Variants in IKZF3 observed in about 807,000 individuals in gnomAD.
The protein encoded by IKZF3 is IKAROS family zinc finger 3.
Under a neutral mutation model 49.0 loss-of-function variants are expected in IKZF3, and 10 were observed. That is an observed-to-expected ratio of 0.20 (90% CI 0.13 to 0.35). IKZF3 has a LOEUF of 0.35. Ranked by LOEUF, IKZF3 falls within the 10% of genes least tolerant of loss-of-function variation. The pLI is 1.00. For missense variants in IKZF3, 498 were observed against 664.8 expected (o/e 0.75, Z 2.76); for synonymous variants, 209 against 228.2 (o/e 0.92, Z 0.76).
intron 1 of IKZF3, chr17:39,836,201 T>C: frequency 1.5e-6 from 1 of 654,600 alleles, no homozygotes; most frequent in Middle Eastern, 4.4e-4. Flanking sequence ...TTGACCATGA[T>C]GGCTGTGATG....
intron 1 of IKZF3, among the ~76,000 whole-genome samples, chr17:39,857,792 G>C (rs1392079470): frequency 6.6e-6 from 1 of 151,960 alleles, no homozygotes; most frequent in Non-Finnish European, 1.5e-5. Flanking sequence ...CCTACTATGT[G>C]CTGGGGACTG....
intron 1 of IKZF3, among the ~76,000 whole-genome samples, chr17:39,834,467 A>G (rs1484500787): frequency 1.3e-5 from 2 of 152,268 alleles, no homozygotes; most frequent in East Asian, 3.9e-4. Context: ...TTCAGTTCTA[A>G]TTTCCCTCGA....
intron 6 of IKZF3, among the ~76,000 whole-genome samples, chr17:39,779,546 C>A (rs2060676306): frequency 6.6e-6 from 1 of 152,062 alleles, no homozygotes; most frequent in Non-Finnish European, 1.5e-5. Context: ...ACACATGATG[C>A]TAGCCTGAAC....
chr17:39,824,756 C>T (rs532889407), intron 3 of IKZF3, among the ~76,000 whole-genome samples: 11 of 150,850 alleles, frequency 7.3e-5, no homozygotes, highest in Admixed American at 4.0e-4. Context: ...AGTGCAGTGG[C>T]GTGATCTTGG....
intron 6 of IKZF3, among the ~76,000 whole-genome samples, chr17:39,782,161 G>A (rs1489640181): frequency 6.6e-6 from 1 of 152,186 alleles, no homozygotes; most frequent in Non-Finnish European, 1.5e-5. Context: ...TTCAATTGAA[G>A]ATGGCACTCA....
At chr17:39,795,175 G>A (rs189583267) in intron 3 of IKZF3, among the ~76,000 whole-genome samples, 12 of 152,078 alleles carry the variant, frequency 7.9e-5, no homozygotes, top group Admixed American at 5.2e-4. Context: ...AATTCAATAC[G>A]ACACCATCCT....
intron 7 of IKZF3, among the ~76,000 whole-genome samples, chr17:39,769,730 T>C (rs1038949068): frequency 6.6e-6 from 1 of 152,164 alleles, no homozygotes; most frequent in Non-Finnish European, 1.5e-5. Context: ...TGAGAAACTT[T>C]TTCTCTTTTC....
At chr17:39,814,100 C>G (rs1401006967) in intron 3 of IKZF3, among the ~76,000 whole-genome samples, 1 of 152,090 alleles carries the variant, frequency 6.6e-6, no homozygotes, top group Non-Finnish European at 1.5e-5. Context: ...AGTTGTACAC[C>G]TCAAAAGGGA....
intron 6 of IKZF3, among the ~76,000 whole-genome samples, chr17:39,787,572 C>T (rs1194837076): frequency 6.6e-6 from 1 of 152,198 alleles, no homozygotes; most frequent in Non-Finnish European, 1.5e-5. Flanking sequence ...GTTAGGAAAT[C>T]TTGTTGACTC....
chr17:39,851,034 CGT>C (rs1435448061), intron 1 of IKZF3, among the ~76,000 whole-genome samples: 15 of 143,700 alleles, frequency 1.0e-4, no homozygotes, highest in African/African-American at 3.9e-4. Context: ...GTTATATACA[CGT>C]ATATATTATA....
intron 7 of IKZF3, among the ~76,000 whole-genome samples, chr17:39,773,175 A>T (rs9652840): frequency 0.077 from 11,775 of 152,198 alleles, 850 homozygotes; most frequent in African/African-American, 0.19. Context: ...CATGACATGC[A>T]CTGCTCTTGG....
Position 39,864,146 on chromosome 17 carries a change from G to A in IKZF3, c.-20C>T, listed in dbSNP as rs757097877. 1 of 1,611,696 alleles carries A rather than the reference G, an allele frequency of 6.2e-7. No homozygotes were observed. Among genetic ancestry groups the A allele is most frequent in the South Asian group, 1.1e-5 (1 of 91,022 alleles). On this transcript the variant is annotated 5_prime_UTR_variant, in exon 1 of 8. Coordinates refer to ENST00000346872, the MANE Select transcript of IKZF3 (RefSeq NM_012481.5). ...TTCCATGTCGCTGCCGGGCCGGGCT[G>A]GAGCTGCCGCTGTGGCTACTCGGCC...
At chr17:39,802,517 G>T (rs1429417327) in intron 3 of IKZF3, among the ~76,000 whole-genome samples, 1 of 150,794 alleles carries the variant, frequency 6.6e-6, no homozygotes, top group African/African-American at 2.4e-5. Context: ...TAAGGCAGGA[G>T]ATTCCCTTGA....
intron 3 of IKZF3, among the ~76,000 whole-genome samples, chr17:39,793,603 A>C (rs2061085364): frequency 6.6e-6 from 1 of 152,232 alleles, no homozygotes; most frequent in Non-Finnish European, 1.5e-5. Context: ...ATATAACCTA[A>C]GGAGTCACTT....
intron 3 of IKZF3, among the ~76,000 whole-genome samples, chr17:39,803,645 C>T (rs966032231): frequency 6.6e-6 from 1 of 151,892 alleles, no homozygotes; most frequent in Non-Finnish European, 1.5e-5. Flanking sequence ...TCCGGAGTAG[C>T]TGGGATTACA....
intron 7 of IKZF3, among the ~76,000 whole-genome samples, chr17:39,771,979 C>T (rs1374454909): frequency 1.3e-5 from 2 of 151,614 alleles, no homozygotes; most frequent in African/African-American, 4.9e-5. Context: ...AATTCCTGAG[C>T]TCAAGTGATC....
At chr17:39,820,351 T>TA (rs1446217944) in intron 3 of IKZF3, among the ~76,000 whole-genome samples, 2 of 152,188 alleles carry the variant, frequency 1.3e-5, no homozygotes, top group Non-Finnish European at 2.9e-5. Flanking sequence ...AATATCACTA[T>TA]AAAATGTGAG....
At chr17:39,832,436 T>C (rs2062137211) in intron 1 of IKZF3, among the ~76,000 whole-genome samples, 1 of 152,134 alleles carries the variant, frequency 6.6e-6, no homozygotes, top group African/African-American at 2.4e-5. Flanking sequence ...TCATATATTC[T>C]TTATTCTTCC....
chr17:39,812,640 C>A (rs140223792), intron 3 of IKZF3, among the ~76,000 whole-genome samples: 1 of 152,310 alleles, frequency 6.6e-6, no homozygotes, highest in African/African-American at 2.4e-5. Flanking sequence ...CACCAAGGTA[C>A]ACAATGGCTC....
Sources: allele counts gnomAD v4.1 joint callset (sites outside exome capture counted in the v4.1 genomes callset), GRCh38; gene constraint gnomAD v4.1.1; transcripts MANE v1.5; gene names NCBI Gene and HGNC (gene_info 2026-07-23, HGNC 2026-07-21).